The following UBE2F variants were observed in gnomAD, a reference collection of about 807,000 sequenced individuals.
The protein encoded by UBE2F is NEDD8-conjugating enzyme UBE2F.
UBE2F carries 5 observed loss-of-function variants against 29.6 expected under a neutral mutation model. The ratio of observed to expected loss-of-function variants is 0.17; its 90% CI spans 0.09 to 0.36. The LOEUF is 0.36. Ranked by LOEUF, UBE2F falls within the 10% of genes least tolerant of loss-of-function variation. UBE2F has a pLI of 1.00. For missense variants in UBE2F, 141 were observed against 228.5 expected (o/e 0.62, Z 2.47); for synonymous variants, 66 against 81.8 (o/e 0.81, Z 1.04).
intron 4 of UBE2F, among the ~76,000 whole-genome samples, chr2:238,014,840 A>C (rs1273541480): frequency 6.6e-6 from 1 of 152,260 alleles, no homozygotes; most frequent in African/African-American, 2.4e-5. Flanking sequence ...TTTATATCTA[A>C]GATGCCACTT....
At chr2:237,972,978 A>G (rs1482880667) in intron 1 of UBE2F, 114 bp from the exon 2 acceptor site, 8 of 1,245,184 alleles carry the variant, frequency 6.4e-6, no homozygotes, top group East Asian at 4.7e-5. Flanking sequence ...AATTTTTTCC[A>G]TAACTAAATT....
intron 2 of UBE2F, among the ~76,000 whole-genome samples, chr2:237,980,417 G>T (rs971140931): frequency 6.6e-6 from 1 of 152,238 alleles, no homozygotes; most frequent in East Asian, 1.9e-4. Flanking sequence ...CTTCCTGGCT[G>T]TGTCTTCACG....
intron 4 of UBE2F, chr2:238,003,463 T>C (rs2063839709): frequency 2.1e-6 from 1 of 468,334 alleles, no homozygotes; most frequent in African/African-American, 2.0e-5. Context: ...CTCACATTGG[T>C]CTGTCCCCTG....
chr2:238,019,144 G>A (rs2064234159), intron 5 of UBE2F, among the ~76,000 whole-genome samples: 1 of 152,010 alleles, frequency 6.6e-6, no homozygotes, highest in South Asian at 2.1e-4. Context: ...CTGAAGTTCT[G>A]TGTGCTGTGT....
intron 2 of UBE2F, among the ~76,000 whole-genome samples, chr2:237,980,592 TG>T (rs1366959240): frequency 1.3e-5 from 2 of 152,210 alleles, no homozygotes; most frequent in African/African-American, 2.4e-5. Context: ...CATATGAATT[TG>T]GGGGTGGAGG....
chr2:238,032,823 C>T (rs1331740011), intron 8 of UBE2F, among the ~76,000 whole-genome samples: 2 of 152,080 alleles, frequency 1.3e-5, no homozygotes, highest in African/African-American at 2.4e-5. Context: ...ATAGTTACCC[C>T]TTTTTTCTAT....
intron 6 of UBE2F, among the ~76,000 whole-genome samples, chr2:238,028,425 G>A (rs1198990298): frequency 6.6e-6 from 1 of 152,214 alleles, no homozygotes; most frequent in African/African-American, 2.4e-5. Context: ...ACTGAAGGTT[G>A]CATTAAGATC....
At chr2:237,990,968 G>A (rs2063575918) in intron 3 of UBE2F, among the ~76,000 whole-genome samples, 1 of 152,042 alleles carries the variant, frequency 6.6e-6, no homozygotes, top group Admixed American at 6.5e-5. Context: ...CTTATAAATG[G>A]TTCATTCATC....
intron 3 of UBE2F, among the ~76,000 whole-genome samples, chr2:237,993,174 G>C (rs542939404): frequency 6.6e-6 from 1 of 152,028 alleles, no homozygotes. Flanking sequence ...TTTTAGTAGA[G>C]ACGGGGTTTC....
At chr2:238,017,661 G>A (rs962539980) in intron 5 of UBE2F, among the ~76,000 whole-genome samples, 2 of 152,178 alleles carry the variant, frequency 1.3e-5, no homozygotes, top group African/African-American at 2.4e-5. Context: ...TGACGTACAG[G>A]CAGTTCAGCA....
chr2:237,977,736 C>T (rs933087759), intron 2 of UBE2F, among the ~76,000 whole-genome samples: 1 of 152,072 alleles, frequency 6.6e-6, no homozygotes, highest in African/African-American at 2.4e-5. Context: ...AGGTGAAATC[C>T]AAACTCCCTT....
Position 238,042,406 on chromosome 2 carries a change from C to G in UBE2F, c.*1068C>G, listed in dbSNP as rs2064850587. The G allele has an allele frequency of 6.6e-6, 1 of 152,266 alleles. No individual in the cohort carries two copies. The highest frequency in any genetic ancestry group is 2.1e-4 in the South Asian group (1 of 4,836). 9.4% of individuals were successfully genotyped at this position (152,266 alleles called of 1,614,324 possible). ...GCCTTCTTCTGAGTTTGCTATGGCTCCAGGCCCTGCCGGTGGGGTGAGCCT... is the reference window on the plus strand; with the variant it reads ...GCCTTCTTCTGAGTTTGCTATGGCTGCAGGCCCTGCCGGTGGGGTGAGCCT... On this transcript the variant is annotated 3_prime_UTR_variant, in exon 10 of 10. Transcript: ENST00000272930.
At chr2:238,033,376 G>A (rs1270795697) in intron 8 of UBE2F, among the ~76,000 whole-genome samples, 1 of 152,186 alleles carries the variant, frequency 6.6e-6, no homozygotes, top group Non-Finnish European at 1.5e-5. Context: ...AAAGAAATAA[G>A]CTTCAGAGAT....
chr2:238,004,378 A>C (rs760204577), intron 4 of UBE2F, among the ~76,000 whole-genome samples: 1 of 151,994 alleles, frequency 6.6e-6, no homozygotes, highest in African/African-American at 2.4e-5. Flanking sequence ...GCGTCTGCTC[A>C]ACTGTTGTGC....
intron 5 of UBE2F, among the ~76,000 whole-genome samples, chr2:238,017,327 C>T (rs867017642): frequency 6.6e-5 from 10 of 152,094 alleles, no homozygotes; most frequent in Non-Finnish European, 1.2e-4. Context: ...GGAGTCACCC[C>T]GATGTGGCCC....
intron 5 of UBE2F, among the ~76,000 whole-genome samples, chr2:238,019,510 G>C (rs937182461): frequency 2.0e-5 from 3 of 151,974 alleles, no homozygotes; most frequent in African/African-American, 7.3e-5. Flanking sequence ...GGGATTACAC[G>C]CATGTACCAC....
chr2:237,978,062 AGCAAGC>A (rs2063316126), intron 2 of UBE2F, among the ~76,000 whole-genome samples: 1 of 152,164 alleles, frequency 6.6e-6, no homozygotes, highest in African/African-American at 2.4e-5. Flanking sequence ...TTGGAGCAAG[AGCAAGC>A]GCAAGCACAA....
At chr2:238,039,751 G>A (rs1178432379) in intron 9 of UBE2F, among the ~76,000 whole-genome samples, 1 of 152,212 alleles carries the variant, frequency 6.6e-6, no homozygotes, top group Non-Finnish European at 1.5e-5. Context: ...GGAGCATGGA[G>A]CCTGCTGCAG....
At chr2:237,972,008 C>G (rs964512601) in intron 1 of UBE2F, among the ~76,000 whole-genome samples, 1 of 152,212 alleles carries the variant, frequency 6.6e-6, no homozygotes, top group African/African-American at 2.4e-5. Context: ...TAGCAAGGGG[C>G]ATCACCTGTG....
Sources: gnomAD v4.1 joint callset for allele counts (sites outside exome capture counted in the v4.1 genomes callset) on GRCh38, gnomAD v4.1.1 for gene constraint, MANE v1.5 for transcripts, NCBI Gene and HGNC (gene_info 2026-07-23, HGNC 2026-07-21) for gene names.